Variants in VRK2 observed in about 807,000 individuals in gnomAD.
VRK2 encodes VRK serine/threonine kinase 2, also known as serine/threonine-protein kinase VRK2.
VRK2 carries 60 observed loss-of-function variants against 57.6 expected under a neutral mutation model. That is an observed-to-expected ratio of 1.04 (90% CI 0.85 to 1.29). VRK2 has a LOEUF of 1.29. VRK2 is among the 50% of genes most tolerant of loss of function. The probability of loss-of-function intolerance (pLI) is 0.00; values close to 1 mark genes in which losing one functional copy is unlikely to be tolerated. For synonymous variants in VRK2, 231 were observed against 199.2 expected, an observed-to-expected ratio of 1.16 and a Z score of -1.35; for missense variants, 705 against 588.1, an observed-to-expected ratio of 1.20 and a Z score of -2.06.
At chr2:58,083,289 G>A (rs1007064869) in intron 2 of VRK2, among the ~76,000 whole-genome samples, 20 of 151,830 alleles carry the variant, frequency 1.3e-4, no homozygotes, top group East Asian at 3.9e-4. Context: ...AACAAATGAC[G>A]AAGTTTTAGT....
intron 12 of VRK2, among the ~76,000 whole-genome samples, chr2:58,156,228 GT>G (rs565600948): frequency 6.7e-6 from 1 of 150,228 alleles, no homozygotes; most frequent in African/African-American, 2.4e-5. Context: ...TCATAGGTCT[GT>G]TTTTTTTTCT....
intron 1 of VRK2, chr2:58,047,093 G>T: frequency 3.3e-6 from 2 of 611,840 alleles, no homozygotes; most frequent in Non-Finnish European, 4.1e-6. Flanking sequence ...TTCTACTCAC[G>T]TTTGCCAAAA....
chr2:57,963,147 G>C (rs1671810908), intron 1 of VRK2, among the ~76,000 whole-genome samples: 1 of 152,172 alleles, frequency 6.6e-6, no homozygotes, highest in African/African-American at 2.4e-5. Context: ...AGATGTCACA[G>C]CTAGTTCCCC....
rs746927837 is a variant in VRK2, at chr2:58,088,441, C to T, written c.445C>T (p.Arg149Ter). ...KKSTVLQLGI[R>*]MLDVLEYIHE... ...GTCAACTGTCCTGCAATTAGGTATC[C>T]GAATGGTAAGAATTACTTATTTCGC... is the stretch of plus-strand genomic sequence containing the variant. The change falls in exon 6 of 13, where the codon CGA (arginine) becomes TGA (stop). Residue 149 changes from arginine (R) to a stop codon, truncating the protein, a stop_gained. Transcript: ENST00000340157. LOFTEE classifies it high-confidence loss of function. 48 of 1,605,004 alleles carry T rather than the reference C, an allele frequency of 3.0e-5. No homozygotes were observed. In the Middle Eastern group the frequency reaches 3.8e-3, roughly 127 times the overall value.
intron 1 of VRK2, among the ~76,000 whole-genome samples, chr2:57,955,670 G>A (rs534321792): frequency 6.6e-6 from 1 of 152,242 alleles, no homozygotes; most frequent in East Asian, 1.9e-4. Context: ...GTGATAGGTT[G>A]ATAGGTGCAG....
chr2:57,990,984 G>A (rs951044122), intron 1 of VRK2, among the ~76,000 whole-genome samples: 1 of 151,936 alleles, frequency 6.6e-6, no homozygotes, highest in African/African-American at 2.4e-5. Flanking sequence ...TGTCCATAGG[G>A]ATAGATGGGA....
At chr2:57,911,867 T>C (rs1414799575) in intron 1 of VRK2, among the ~76,000 whole-genome samples, 3 of 152,198 alleles carry the variant, frequency 2.0e-5, no homozygotes, top group African/African-American at 7.2e-5. Context: ...CAGCAGGGCT[T>C]GTCAATTGAT....
chr2:58,027,638 A>C (rs1001564430), intron 2 of VRK2, among the ~76,000 whole-genome samples: 2 of 152,146 alleles, frequency 1.3e-5, no homozygotes, highest in African/African-American at 4.8e-5. Flanking sequence ...ATAAATTAAA[A>C]TTACTTTTTT....
rs543616545 is a variant in VRK2 at position 58,091,101 on chromosome 2, C to T, written c.543+1378C>T. Among the ~76,000 whole-genome samples the T allele has an allele frequency of 1.4e-4, 21 of 152,200 alleles. 1 individual carries two copies. The South Asian group carries it at 3.3e-3, about 24-fold the overall frequency. ...AGTGAAGCACAGTGGATTTTTAGGT[C>T]AGTGAAACTATTCTGCATGATACCA... On this transcript the variant is annotated intron_variant, in intron 7 of 12. Transcript: ENST00000340157.
chr2:58,118,369 C>T (rs557119046), intron 7 of VRK2, among the ~76,000 whole-genome samples: 19 of 152,026 alleles, frequency 1.2e-4, no homozygotes, highest in East Asian at 9.7e-4. Flanking sequence ...CGTCCCAGTC[C>T]GTGACCGGCA....
chr2:57,911,565 T>C (rs939195027), intron 1 of VRK2, among the ~76,000 whole-genome samples: 4 of 152,186 alleles, frequency 2.6e-5, no homozygotes, highest in Non-Finnish European at 1.5e-5. Context: ...TGTTTTTCTC[T>C]CTTAAGGTTG....
chr2:58,089,878 A>G (rs561870070), intron 7 of VRK2, among the ~76,000 whole-genome samples, 155 bp downstream of exon 7: 20 of 152,318 alleles, frequency 1.3e-4, no homozygotes, highest in East Asian at 5.8e-4. Context: ...TAATCTTTGT[A>G]CCAAACTAAT....
chr2:58,021,424 G>A (rs1673752363), intron 1 of VRK2, among the ~76,000 whole-genome samples: 1 of 151,984 alleles, frequency 6.6e-6, no homozygotes, highest in Admixed American at 6.6e-5. Flanking sequence ...TTTCAAATTA[G>A]TATTAAAACA....
intron 7 of VRK2, among the ~76,000 whole-genome samples, chr2:58,115,538 A>G (rs1676312284): frequency 1.5e-5 from 2 of 135,042 alleles, no homozygotes; most frequent in South Asian, 4.7e-4. Context: ...CTAAGACAGT[A>G]AGGTCAATTT....
intron 1 of VRK2, among the ~76,000 whole-genome samples, chr2:58,018,670 C>T (rs1251393251): frequency 2.6e-5 from 4 of 152,146 alleles, no homozygotes; most frequent in African/African-American, 4.8e-5. Context: ...GGAGAAATTA[C>T]ATCTAAACTT....
At chr2:58,108,890 G>A (rs532197187) in intron 7 of VRK2, among the ~76,000 whole-genome samples, 1 of 152,192 alleles carries the variant, frequency 6.6e-6, no homozygotes, top group East Asian at 1.9e-4. Flanking sequence ...GAATTTATTT[G>A]TTTTACATAG....
In VRK2 at chr2:58,065,147, CTTAT is replaced by C. The variant is rs375325397; in HGVS notation, c.136+16185_136+16188del. ...ATGATTATGTACTTGTATCTTTTTT[CTTAT>C]TTATAAAAATAAAGAGAAAAAAATC... On this transcript the variant is annotated intron_variant, in intron 2 of 12. Coordinates refer to ENST00000340157, the MANE Select transcript of VRK2 (RefSeq NM_006296.7). 1.1e-3 allele frequency among the ~76,000 whole-genome samples: 163 copies of C among 151,744 alleles called. 2 individuals are homozygous for C. In the South Asian group the frequency reaches 0.032, roughly 30 times the overall value.
At chr2:57,925,202 C>T (rs1670491461) in intron 1 of VRK2, among the ~76,000 whole-genome samples, 1 of 151,996 alleles carries the variant, frequency 6.6e-6, no homozygotes. Context: ...GTTTTGGTAT[C>T]TGGGTAATAC....
chr2:58,029,609 T>G (rs910149986), intron 2 of VRK2, among the ~76,000 whole-genome samples: 2 of 152,170 alleles, frequency 1.3e-5, no homozygotes, highest in Non-Finnish European at 2.9e-5. Flanking sequence ...AATCATCTCT[T>G]ATGACCAGAT....
Sources: gnomAD v4.1 joint callset for allele counts (sites outside exome capture counted in the v4.1 genomes callset) on GRCh38, gnomAD v4.1.1 for gene constraint, MANE v1.5 for transcripts, NCBI Gene and HGNC (gene_info 2026-07-23, HGNC 2026-07-21) for gene names.